CAMKMT: variants seen among roughly 807,000 people sequenced by gnomAD.
CAMKMT encodes calmodulin-lysine N-methyltransferase.
Under a neutral mutation model 48.0 loss-of-function variants are expected in CAMKMT, and 53 were observed. That is an observed-to-expected ratio of 1.10 (90% CI 0.89 to 1.39). The LOEUF is 1.39. Among genes scored for constraint, CAMKMT ranks in the 40% most tolerant of loss-of-function variants. CAMKMT has a pLI of 0.00. For synonymous variants in CAMKMT, 165 were observed against 152.3 expected, an observed-to-expected ratio of 1.08 and a Z score of -0.61; for missense variants, 428 against 402.7, an observed-to-expected ratio of 1.06 and a Z score of -0.54.
chr2:44,631,720 T>A (rs967261330), intron 3 of CAMKMT: 26 of 388,774 alleles, frequency 6.7e-5, no homozygotes, highest in African/African-American at 5.0e-4. Context: ...GATATGGTTA[T>A]GTTTAAGTTT....
chr2:44,767,030 A>G (rs558164914), intron 10 of CAMKMT, among the ~76,000 whole-genome samples: 15 of 152,338 alleles, frequency 9.8e-5, no homozygotes, highest in Non-Finnish European at 1.9e-4. Context: ...TAAATCTCAT[A>G]CAGAATTTCA....
intron 3 of CAMKMT, among the ~76,000 whole-genome samples, chr2:44,463,540 G>A (rs1667954768): frequency 6.6e-6 from 1 of 152,162 alleles, no homozygotes; most frequent in Admixed American, 6.5e-5. Flanking sequence ...GTAAGGGGTT[G>A]GGTGGGAGTT....
chr2:44,659,922 C>G (rs1261860620), intron 3 of CAMKMT, among the ~76,000 whole-genome samples: 1 of 151,930 alleles, frequency 6.6e-6, no homozygotes. Flanking sequence ...ATTTTTGGTC[C>G]CTGGACACCT....
At chr2:44,755,918 A>T (rs115608148) in intron 9 of CAMKMT, among the ~76,000 whole-genome samples, 1 of 152,044 alleles carries the variant, frequency 6.6e-6, no homozygotes, top group Non-Finnish European at 1.5e-5. Context: ...GCTCACACTA[A>T]CCTGTAGCAT....
intron 5 of CAMKMT, among the ~76,000 whole-genome samples, chr2:44,706,613 ATT>A (rs35364346): frequency 4.9e-4 from 67 of 136,226 alleles, no homozygotes; most frequent in Middle Eastern, 3.8e-3. Context: ...TAGCGAAAGC[ATT>A]TTTTTTTTTT....
At chr2:44,466,841 C>T (rs891503072) in intron 3 of CAMKMT, among the ~76,000 whole-genome samples, 12 of 152,122 alleles carry the variant, frequency 7.9e-5, no homozygotes, top group African/African-American at 2.9e-4. Context: ...ACGGATGCCA[C>T]AGAACTGAAA....
At chr2:44,644,922 C>G (rs1333365075) in intron 3 of CAMKMT, among the ~76,000 whole-genome samples, 1 of 152,074 alleles carries the variant, frequency 6.6e-6, no homozygotes, top group Non-Finnish European at 1.5e-5. Flanking sequence ...CCAACTCACC[C>G]TGAGTTGGAG....
rs1678124349 is a variant in CAMKMT at position 44,715,409 on chromosome 2, A to G, written c.623+56A>G. On this transcript the variant is annotated intron_variant, in intron 7 of 10. Transcript: ENST00000378494. ...CATTGAAATTGCTTTTCTTGATACT[A>G]TGGATGGTTATTAAAAATAATAATA... The G allele has an allele frequency of 2.4e-5, 29 of 1,230,726 alleles. 1 individual carries two copies. In the South Asian group the frequency reaches 2.5e-4, roughly 10 times the overall value. 76.2% of individuals were successfully genotyped at this position (1,230,726 alleles called of 1,614,324 possible).
At position 44,394,791 on chromosome 2, in the gene CAMKMT, T is replaced by C. The variant is rs115315687; in HGVS notation, c.376+4486T>C. ...TTCCTAGTGGTCTGATAGCAGAATC[T>C]GTTTGTCTGTTTGTGATGTATCTAA... On this transcript the variant is annotated intron_variant, in intron 3 of 10. Transcript: ENST00000378494. 749 of 451,116 alleles carry C rather than the reference T, an allele frequency of 1.7e-3. 4 individuals carry two copies. The highest frequency in any genetic ancestry group is 0.014 in the African/African-American group (682 of 50,022). 27.9% of individuals were successfully genotyped at this position (451,116 alleles called of 1,614,324 possible).
At chr2:44,390,712 T>A (rs1681259069) in intron 3 of CAMKMT, among the ~76,000 whole-genome samples, 1 of 152,204 alleles carries the variant, frequency 6.6e-6, no homozygotes, top group South Asian at 2.1e-4. Flanking sequence ...TCCCTGCTTC[T>A]TTACTTTCAC....
intron 3 of CAMKMT, among the ~76,000 whole-genome samples, chr2:44,609,944 C>G (rs948268566): frequency 6.6e-6 from 1 of 152,174 alleles, no homozygotes; most frequent in Non-Finnish European, 1.5e-5. Flanking sequence ...GTAAGACTTT[C>G]ATGACAAAGT....
At chr2:44,623,252 A>AT (rs1381176334) in intron 3 of CAMKMT, among the ~76,000 whole-genome samples, 1 of 151,868 alleles carries the variant, frequency 6.6e-6, no homozygotes, top group East Asian at 1.9e-4. Context: ...GTTTACAGAT[A>AT]TTTTTCTCCA....
intron 3 of CAMKMT, among the ~76,000 whole-genome samples, chr2:44,702,566 G>C (rs1677315204): frequency 6.6e-6 from 1 of 152,196 alleles, no homozygotes; most frequent in Non-Finnish European, 1.5e-5. Flanking sequence ...TAAGTAACCT[G>C]TCCAAGGTCA....
chr2:44,752,312 A>G (rs116122200), intron 8 of CAMKMT, among the ~76,000 whole-genome samples: 2,458 of 151,894 alleles, frequency 0.016, 29 homozygotes, highest in African/African-American at 0.036. Context: ...TTGCACCAAC[A>G]TAATATCAGA....
chr2:44,363,022 C>T (rs1465819716), intron 1 of CAMKMT, among the ~76,000 whole-genome samples: 2 of 152,210 alleles, frequency 1.3e-5, no homozygotes, highest in Non-Finnish European at 2.9e-5. Flanking sequence ...AAGAGTTTCC[C>T]AGCTATTGCC....
At chr2:44,409,554 GCA>G (rs1281518742) in intron 3 of CAMKMT, among the ~76,000 whole-genome samples, 32 of 152,180 alleles carry the variant, frequency 2.1e-4, no homozygotes, top group South Asian at 8.3e-4. Flanking sequence ...TGGCCTCAAA[GCA>G]TATCTTAAAG....
At chr2:44,590,566 T>C (rs1371619970) in intron 3 of CAMKMT, among the ~76,000 whole-genome samples, 1 of 152,244 alleles carries the variant, frequency 6.6e-6, no homozygotes, top group Non-Finnish European at 1.5e-5. Context: ...CTTTGAGAAG[T>C]GTCTGTTCAT....
intron 3 of CAMKMT, among the ~76,000 whole-genome samples, chr2:44,399,955 T>G (rs76915907): frequency 0.031 from 4,762 of 152,290 alleles, 208 homozygotes; most frequent in African/African-American, 0.1. Context: ...TGTGTATGTT[T>G]AGAAGACAAG....
intron 3 of CAMKMT, among the ~76,000 whole-genome samples, chr2:44,488,572 T>G (rs1281234960): frequency 2.6e-5 from 4 of 151,922 alleles, no homozygotes; most frequent in Non-Finnish European, 5.9e-5. Context: ...CATGGTGGTG[T>G]GCACCTGTGA....
Sources: allele counts gnomAD v4.1 joint callset (sites outside exome capture counted in the v4.1 genomes callset), GRCh38; gene constraint gnomAD v4.1.1; transcripts MANE v1.5; gene names NCBI Gene and HGNC (gene_info 2026-07-23, HGNC 2026-07-21).